Variants in ASB5 observed in about 807,000 individuals in gnomAD.
ASB5 encodes ankyrin repeat and SOCS box protein 5.
ASB5 carries 45 observed loss-of-function variants against 42.1 expected under a neutral mutation model. The ratio of observed to expected loss-of-function variants is 1.07; its 90% CI spans 0.84 to 1.37. The LOEUF (loss-of-function observed/expected upper bound fraction) is 1.37, where lower values mean the gene tolerates loss of function less well. Among genes scored for constraint, ASB5 ranks in the 40% most tolerant of loss-of-function variants. ASB5 has a pLI of 0.00. For missense variants in ASB5, 402 were observed against 399.8 expected (o/e 1.01, Z -0.05); for synonymous variants, 147 against 150.6 (o/e 0.98, Z 0.18).
Position 176,221,281 on chromosome 4 carries a change from C to A in ASB5, c.544G>T (p.Glu182Ter), listed in dbSNP as rs764178247. The change falls in exon 5 of 7, where the codon GAA becomes TAA. Residue 182 changes from glutamate to a stop codon, truncating the protein, a stop_gained. Coordinates refer to ENST00000296525, the MANE Select transcript of ASB5 (RefSeq NM_080874.4). LOFTEE classifies it high-confidence loss of function. ...CAGGATATCAGGATGTCAAGACATT[C>A]ATGGTGACCTGCCAACACAAAGTAG... Reference protein sequence around the residue: ...THEAASKGHHECLDILISWGI... With the variant: ...THEAASKGHH 6 of 1,613,950 alleles carry A rather than the reference C, an allele frequency of 3.7e-6. No individual in the cohort carries two copies. Among genetic ancestry groups the A allele is most frequent in the Non-Finnish European group, 5.1e-6 (6 of 1,179,906 alleles).
chr4:176,237,158 C>T, intron 1 of ASB5: 1 of 529,638 alleles, frequency 1.9e-6, no homozygotes, highest in Non-Finnish European at 2.4e-6. Flanking sequence ...ACAGAGCAGT[C>T]CTTTGCCATG....
chr4:176,267,854 A>G (rs1400711979), intron 1 of ASB5, among the ~76,000 whole-genome samples: 1 of 152,082 alleles, frequency 6.6e-6, no homozygotes, highest in Non-Finnish European at 1.5e-5. Flanking sequence ...TTCCACCTTC[A>G]CTCAACTTTC....
At chr4:176,229,996 A>T (rs184473773) in intron 1 of ASB5, among the ~76,000 whole-genome samples, 1 of 152,322 alleles carries the variant, frequency 6.6e-6, no homozygotes, top group Admixed American at 6.5e-5. Context: ...GTAGGAAAAA[A>T]GCTGAGGGGC....
At chr4:176,227,323 A>T (rs1180097612) in intron 1 of ASB5, among the ~76,000 whole-genome samples, 13 of 152,210 alleles carry the variant, frequency 8.5e-5, no homozygotes, top group Non-Finnish European at 1.9e-4. Flanking sequence ...TTGTAAGTCA[A>T]CAGAGAGAAG....
intron 6 of ASB5, among the ~76,000 whole-genome samples, chr4:176,216,218 T>C (rs1392783135): frequency 6.6e-6 from 1 of 152,148 alleles, no homozygotes; most frequent in African/African-American, 2.4e-5. Flanking sequence ...CCTTATAAAA[T>C]GGGGCATGCT....
intron 1 of ASB5, among the ~76,000 whole-genome samples, chr4:176,256,928 CTA>C (rs1754168436): frequency 6.6e-6 from 1 of 152,054 alleles, no homozygotes; most frequent in East Asian, 1.9e-4. Flanking sequence ...AAAAGAAAAA[CTA>C]TGTTTTGGTC....
chr4:176,260,202 G>C (rs780353118), intron 1 of ASB5, among the ~76,000 whole-genome samples: 24 of 152,128 alleles, frequency 1.6e-4, no homozygotes, highest in Non-Finnish European at 2.9e-4. Context: ...GAGTTGTTCT[G>C]TTCGAAAGGG....
chr4:176,245,928 A>T (rs1333033110), intron 1 of ASB5, among the ~76,000 whole-genome samples: 1 of 152,170 alleles, frequency 6.6e-6, no homozygotes, highest in Non-Finnish European at 1.5e-5. Flanking sequence ...GGATAACATT[A>T]GGAGAAATAC....
At chr4:176,250,910 T>C (rs907368956) in intron 1 of ASB5, among the ~76,000 whole-genome samples, 1 of 152,200 alleles carries the variant, frequency 6.6e-6, no homozygotes, top group Non-Finnish European at 1.5e-5. Context: ...AAAATGACAC[T>C]TTTCTGGTCC....
In ASB5 at chr4:176,218,290, T is replaced by C. The variant is rs1450868189; in HGVS notation, c.671-1281A>G. 3.1e-5 allele frequency among the ~76,000 whole-genome samples: 3 copies of C among 96,072 alleles called. 1 individual carries two copies. The East Asian group carries it at 7.4e-4, about 24-fold the overall frequency. The allele number at this position is 96,072 out of a possible 152,430, so 63.0% of individuals were successfully genotyped here. On this transcript the variant is annotated intron_variant, in intron 5 of 6. Coordinates refer to ENST00000296525, the MANE Select transcript of ASB5 (RefSeq NM_080874.4). The stretch of plus-strand genomic sequence containing the variant: ...TGTATGATATATAAATATATATATA[T>C]TTGTATGATATATAAATATATATAT...
chr4:176,220,618 T>A (rs760558136), intron 5 of ASB5, among the ~76,000 whole-genome samples: 12 of 152,182 alleles, frequency 7.9e-5, no homozygotes, highest in Non-Finnish European at 1.2e-4. Flanking sequence ...TGAATTTACT[T>A]GAAACAAACC....
chr4:176,241,000 C>T (rs987417791), intron 1 of ASB5, among the ~76,000 whole-genome samples: 4 of 152,158 alleles, frequency 2.6e-5, no homozygotes, highest in Non-Finnish European at 5.9e-5. Flanking sequence ...TATCAACTTA[C>T]GGTTAGTCTT....
At chr4:176,269,873 A>G (rs1754435394), upstream of ASB5, among the ~76,000 whole-genome samples, 1 of 152,208 alleles carries the variant, frequency 6.6e-6, no homozygotes, top group Non-Finnish European at 1.5e-5. Context: ...AAAAACAGGT[A>G]TTAAGGGAGC....
chr4:176,226,284 C>T (rs1467271235), intron 1 of ASB5, among the ~76,000 whole-genome samples: 1 of 152,168 alleles, frequency 6.6e-6, no homozygotes, highest in East Asian at 1.9e-4. Flanking sequence ...TTGGGACACT[C>T]TCCTCCTCCT....
chr4:176,262,766 T>C (rs1287205696), intron 1 of ASB5, among the ~76,000 whole-genome samples: 4 of 152,160 alleles, frequency 2.6e-5, no homozygotes, highest in African/African-American at 4.8e-5. Context: ...GTTGGGCAAG[T>C]ACATTATGTT....
At chr4:176,219,161 A>T (rs1374371934) in intron 5 of ASB5, among the ~76,000 whole-genome samples, 1 of 121,300 alleles carries the variant, frequency 8.2e-6, no homozygotes, top group East Asian at 2.4e-4. Context: ...TATTTGTATG[A>T]CATATAAATA....
chr4:176,235,687 A>G (rs1210646864), intron 1 of ASB5, among the ~76,000 whole-genome samples: 1 of 152,142 alleles, frequency 6.6e-6, no homozygotes, highest in African/African-American at 2.4e-5. Context: ...AAATTTTGAC[A>G]CATACCATCA....
At chr4:176,225,077 T>C (rs895655576) in intron 2 of ASB5, among the ~76,000 whole-genome samples, 185 bp downstream of exon 2, 5 of 152,214 alleles carry the variant, frequency 3.3e-5, no homozygotes, top group African/African-American at 1.2e-4. Context: ...CATACAATTA[T>C]ATCAAAATAT....
At chr4:176,225,992 T>G (rs1407057343) in intron 1 of ASB5, among the ~76,000 whole-genome samples, 3 of 152,242 alleles carry the variant, frequency 2.0e-5, no homozygotes, top group Non-Finnish European at 4.4e-5. Context: ...ATTTTGGAGA[T>G]TAAGTATAGC....
Sources: allele counts gnomAD v4.1 joint callset (sites outside exome capture counted in the v4.1 genomes callset), GRCh38; gene constraint gnomAD v4.1.1; transcripts MANE v1.5; gene names NCBI Gene and HGNC (gene_info 2026-07-23, HGNC 2026-07-21).